Variants in ZMIZ2 observed in about 807,000 individuals in gnomAD.
ZMIZ2 encodes the protein zinc finger MIZ-type containing 2.
A neutral mutation model predicts 93.9 loss-of-function variants in ZMIZ2; 26 were observed. The observed-to-expected ratio is 0.28, with a 90% confidence interval of 0.20 to 0.38. The LOEUF is 0.38. Among genes scored for constraint, ZMIZ2 ranks in the 10% least tolerant of loss-of-function variants. The pLI is 1.00. For synonymous variants in ZMIZ2, 485 were observed against 516.4 expected (o/e 0.94, Z 0.82); for missense variants, 1,023 against 1,235.0 (o/e 0.83, Z 2.57).
chr7:44,759,845 C>T (rs1475490450), intron 7 of ZMIZ2: 7 of 499,872 alleles, frequency 1.4e-5, no homozygotes, highest in Non-Finnish European at 2.5e-5. Flanking sequence ...TCGCTGCTGG[C>T]CATGTACCCT....
rs978552887 is a variant in ZMIZ2 at position 44,759,328 on chromosome 7, C to T, written c.861C>T (p.Ser287=). ...QYLQGGQYAP[S]TAQFAPSPGQ... ...TGCAAGGAGGCCAGTATGCACCCAG[C>T]ACCGCCCAGTTTGCGCCCAGCCCTG... is the stretch of plus-strand genomic sequence containing the variant. Residue 287 remains serine (S), a synonymous_variant, in exon 7 of 19, where the codon AGC becomes AGT. Coordinates refer to ENST00000309315, the MANE Select transcript of ZMIZ2 (RefSeq NM_031449.4). The T allele has an allele frequency of 1.2e-6, 2 of 1,601,968 alleles. No individual in the cohort carries two copies. Among genetic ancestry groups the T allele is most frequent in the East Asian group, 2.3e-5 (1 of 43,526 alleles).
rs891309167 is a variant in ZMIZ2, at chr7:44,762,095, C to T, written c.1596+190C>T. On this transcript the variant is annotated intron_variant, in intron 11 of 18. Coordinates refer to ENST00000309315, the MANE Select transcript of ZMIZ2 (RefSeq NM_031449.4). ...GATCATGCCGCCGTCTGCTGTTTTG[C>T]TGTCCACCGCCTGCTGTAGCATGTG... is the stretch of plus-strand genomic sequence containing the variant. Among the ~76,000 whole-genome samples the T allele has an allele frequency of 2.0e-5, 3 of 152,228 alleles. 1 individual carries two copies. In the South Asian group the frequency reaches 6.2e-4, roughly 31 times the overall value.
rs576990658 is a variant in ZMIZ2, at chr7:44,768,792, G to A, written c.*1169G>A. 1 of 152,340 alleles carries A rather than the reference G, an allele frequency of 6.6e-6. No individual in the cohort carries two copies. Among genetic ancestry groups the A allele is most frequent in the African/African-American group, 2.4e-5 (1 of 41,578 alleles). 9.4% of individuals were successfully genotyped at this position (152,340 alleles called of 1,614,324 possible). ...GGCTGTGCCTGCAAAGCTTGTGCAG[G>A]ACCTGGGGGCCAGGTCGACCTTCAA... On this transcript the variant is annotated 3_prime_UTR_variant, in exon 19 of 19. Coordinates refer to ENST00000309315, the MANE Select transcript of ZMIZ2 (RefSeq NM_031449.4).
chr7:44,767,369 G>A (rs777948405), intron 18 of ZMIZ2, 147 bp from the exon 19 acceptor site: 10 of 719,156 alleles, frequency 1.4e-5, no homozygotes, highest in East Asian at 1.4e-4. Context: ...CCTATGGTGG[G>A]GCCCCGCACC....
rs1319120473 is a variant in ZMIZ2, at chr7:44,769,117, G to A, written c.*1494G>A. 1.3e-5 allele frequency: 2 copies of A among 152,756 alleles called. No homozygotes were observed. Among genetic ancestry groups the A allele is most frequent in the Non-Finnish European group, 2.9e-5 (2 of 68,128 alleles). The allele number at this position is 152,756 out of a possible 1,614,324, so 9.5% of individuals were successfully genotyped here. On this transcript the variant is annotated 3_prime_UTR_variant, in exon 19 of 19. Transcript: ENST00000309315. ...GTCACTTCCCAGAGATTGCAGAGGT[G>A]TGTCCTGCCTACCATCTGCCTGTCC...
At chr7:44,756,375 G>A (rs774394251) in intron 2 of ZMIZ2, 50 bp from the exon 3 acceptor site, 1 of 1,613,812 alleles carries the variant, frequency 6.2e-7, no homozygotes, top group Non-Finnish European at 8.5e-7. Flanking sequence ...CTAGACTCTT[G>A]GACACCAGTG....
chr7:44,760,555 T>C lies in ZMIZ2; in HGVS notation c.1202T>C (p.Leu401Pro). 6.2e-7 allele frequency: 1 copy of C among 1,614,040 alleles called. No homozygotes were observed. The change falls in exon 9 of 19, where the codon CTC becomes CCC. Residue 401 changes from leucine (L) to proline (P), a missense_variant. Leu to Pro is a moderately conservative substitution (Grantham distance 98). Coordinates refer to ENST00000309315, the MANE Select transcript of ZMIZ2 (RefSeq NM_031449.4). ...QEVKSPFLPDLKPNLNSLHSS... is the reference protein window; with the variant it reads ...QEVKSPFLPDPKPNLNSLHSS... ...GTCAAGTCTCCCTTCTTGCCTGATC[T>C]CAAGCCCAACCTCAACTCCTTGCAC...
Position 44,754,669 on chromosome 7 carries a change from G to A in ZMIZ2, c.-62-1519G>A, listed in dbSNP as rs538489013. Among the ~76,000 whole-genome samples the A allele has an allele frequency of 2.0e-4, 30 of 152,322 alleles. 1 individual carries two copies. In the South Asian group the frequency reaches 2.3e-3, roughly 12 times the overall value. On this transcript the variant is annotated intron_variant, in intron 1 of 18. Coordinates refer to ENST00000309315, the MANE Select transcript of ZMIZ2 (RefSeq NM_031449.4). ...ACAAGAAATGGCAGCCTAGATGAAT[G>A]CGGGGCCACCCTCTCCTGGGGCAGG... is the stretch of plus-strand genomic sequence containing the variant.
At chr7:44,762,777 C>T in intron 11 of ZMIZ2, 104 bp from the exon 12 acceptor site, 2 of 784,952 alleles carry the variant, frequency 2.5e-6, no homozygotes, top group Admixed American at 5.7e-5. Flanking sequence ...TTGTCCCTCC[C>T]CCACCTGGCA....
chr7:44,754,225 T>A (rs2116654169), intron 1 of ZMIZ2, among the ~76,000 whole-genome samples: 1 of 152,304 alleles, frequency 6.6e-6, no homozygotes, highest in Non-Finnish European at 1.5e-5. Context: ...CACCCCTACC[T>A]TGCCTGGCTG....
intron 6 of ZMIZ2, 143 bp downstream of exon 6, chr7:44,758,251 G>T: frequency 8.8e-7 from 1 of 1,133,444 alleles, no homozygotes; most frequent in South Asian, 2.3e-5. Flanking sequence ...AAACCAAGGA[G>T]GGTGGATCCC....
Position 44,759,382 on chromosome 7 carries a change from C to T in ZMIZ2, c.915C>T (p.Tyr305=). The change falls in exon 7 of 19, where the codon TAC becomes TAT. Residue 305 remains tyrosine (Y), a synonymous_variant. Coordinates refer to ENST00000309315, the MANE Select transcript of ZMIZ2 (RefSeq NM_031449.4). ...PGQPPAPSPS[Y]PGHRLPLQQG... is the part of the protein sequence containing the mutation. ...AGCCCCCTGCCCCCTCCCCTTCCTA[C>T]CCTGGGCACAGGCTGCCCCTGCAGC... The T allele has an allele frequency of 8.1e-6, 13 of 1,605,156 alleles. No individual in the cohort carries two copies. Among genetic ancestry groups the T allele is most frequent in the Non-Finnish European group, 1.1e-5 (13 of 1,176,128 alleles).
chr7:44,764,495 C>G lies in ZMIZ2; in HGVS notation c.1928+9C>G. ...AGGTGTCCTGTGTGCAAGTGAGTCTCAGATGCAGCGTGTGATGGAGGAGGG... is the reference window on the plus strand; with the variant it reads ...AGGTGTCCTGTGTGCAAGTGAGTCTGAGATGCAGCGTGTGATGGAGGAGGG... On this transcript the variant is annotated intron_variant, in intron 14 of 18. Transcript: ENST00000309315. 1 of 1,614,022 alleles carries G rather than the reference C, an allele frequency of 6.2e-7. No homozygotes were observed. The highest frequency in any genetic ancestry group is 1.1e-5 in the South Asian group (1 of 91,064).
At chr7:44,755,144 A>C (rs1790482789) in intron 1 of ZMIZ2, among the ~76,000 whole-genome samples, 1 of 152,202 alleles carries the variant, frequency 6.6e-6, no homozygotes, top group Admixed American at 6.5e-5. Flanking sequence ...CCATGGTGCC[A>C]GCACTGTGGT....
Position 44,765,719 on chromosome 7 carries a change from C to T in ZMIZ2, c.2242+140C>T, listed in dbSNP as rs746618898. ...ATCAGTGTTGCCACACAAAACATGC[C>T]GCGGGGCACCTCCAGCCCCTCCCAT... On this transcript the variant is annotated intron_variant, in intron 16 of 18. Transcript: ENST00000309315. This position sits in a 1 kb window ranked among gnomAD's most constrained non-coding sequence, Gnocchi z 4.1. The T allele has an allele frequency of 1.1e-5, 14 of 1,284,374 alleles. No individual in the cohort carries two copies. The East Asian group carries it at 1.2e-4, about 11-fold the overall frequency. 79.6% of individuals were successfully genotyped at this position (1,284,374 alleles called of 1,614,324 possible).
At position 44,767,816 on chromosome 7, in the gene ZMIZ2, C is replaced by G; in HGVS notation, c.*193C>G. The G allele has an allele frequency of 1.6e-6, 1 of 609,706 alleles. No homozygotes were observed. Among genetic ancestry groups the G allele is most frequent in the Non-Finnish European group, 2.9e-6 (1 of 344,988 alleles). The allele number at this position is 609,706 out of a possible 1,614,324, so 37.8% of individuals were successfully genotyped here. On this transcript the variant is annotated 3_prime_UTR_variant, in exon 19 of 19. Coordinates refer to ENST00000309315, the MANE Select transcript of ZMIZ2 (RefSeq NM_031449.4). ...GCCCTGTGCTCGATGGGAGGGGCTC[C>G]CAGGCCGGCAGCCCTTGCCACCTCC...
intron 5 of ZMIZ2, 57 bp downstream of exon 5, chr7:44,757,618 G>T: frequency 6.5e-7 from 1 of 1,530,748 alleles, no homozygotes. Context: ...CCTGGGAGGA[G>T]GTACTCAGCC....
chr7:44,750,774 C>G (rs1306176699), intron 1 of ZMIZ2, among the ~76,000 whole-genome samples: 1 of 152,078 alleles, frequency 6.6e-6, no homozygotes, highest in African/African-American at 2.4e-5. Flanking sequence ...CCTTGTCCAT[C>G]TCTCAAGGGG....
chr7:44,762,844 C>T (rs1384912859), intron 11 of ZMIZ2, 37 bp from the exon 12 acceptor site: 2 of 1,563,490 alleles, frequency 1.3e-6, no homozygotes, highest in East Asian at 2.3e-5. Context: ...GCCCCTGGCC[C>T]AAGTCCCCCT....
Sources: gnomAD v4.1 joint callset for allele counts (sites outside exome capture counted in the v4.1 genomes callset) on GRCh38, gnomAD v4.1.1 for gene constraint, Gnocchi (gnomAD v3.1) non-coding constraint, MANE v1.5 for transcripts, NCBI Gene and HGNC (gene_info 2026-07-23, HGNC 2026-07-21) for gene names.